The following ADAMTSL1 variants were observed in gnomAD, a reference collection of about 807,000 sequenced individuals.
ADAMTSL1 encodes the protein ADAMTS like 1, also known as ADAMTS-like protein 1.
ADAMTSL1 carries 126 observed loss-of-function variants against 201.8 expected under a neutral mutation model. That is an observed-to-expected ratio of 0.62 (90% CI 0.54 to 0.72). The LOEUF (loss-of-function observed/expected upper bound fraction) is 0.72, where lower values mean the gene tolerates loss of function less well. Ranked by LOEUF, ADAMTSL1 falls within the 30% of genes least tolerant of loss-of-function variation. The pLI, the probability that ADAMTSL1 is intolerant of heterozygous loss-of-function variation, is 0.00. For missense variants in ADAMTSL1, 2,679 were observed against 2,277.8 expected (o/e 1.18, Z -3.59); for synonymous variants, 1,121 against 903.4 (o/e 1.24, Z -4.32).
chr9:18,501,411 T>C (rs1822835566), intron 1 of ADAMTSL1, among the ~76,000 whole-genome samples: 1 of 148,416 alleles, frequency 6.7e-6, no homozygotes, highest in African/African-American at 2.5e-5. Flanking sequence ...CTCAAGAGGC[T>C]GAGGCAGGAG....
At chr9:17,927,653 C>T (rs934579887) in intron 1 of ADAMTSL1, among the ~76,000 whole-genome samples, 1 of 152,018 alleles carries the variant, frequency 6.6e-6, no homozygotes, top group Non-Finnish European at 1.5e-5. Flanking sequence ...CTAAACAATA[C>T]TGTATAACAA....
intron 2 of ADAMTSL1, among the ~76,000 whole-genome samples, chr9:18,178,011 C>A (rs191985282): frequency 2.0e-4 from 31 of 152,182 alleles, no homozygotes; most frequent in African/African-American, 7.0e-4. Flanking sequence ...AGATAGTGGT[C>A]GGGAAGAGGA....
At chr9:18,635,187 T>G (rs1337236286) in intron 5 of ADAMTSL1, among the ~76,000 whole-genome samples, 1 of 151,962 alleles carries the variant, frequency 6.6e-6, no homozygotes, top group Admixed American at 6.6e-5. Context: ...GATACTGTCA[T>G]TACAAATGGA....
intron 2 of ADAMTSL1, among the ~76,000 whole-genome samples, chr9:18,264,846 T>G (rs1832057424): frequency 6.6e-6 from 1 of 152,206 alleles, no homozygotes; most frequent in African/African-American, 2.4e-5. Flanking sequence ...TGCATAGACT[T>G]AAGTTCTGGC....
At chr9:18,213,984 G>T (rs145479716) in intron 2 of ADAMTSL1, among the ~76,000 whole-genome samples, 2,187 of 152,180 alleles carry the variant, frequency 0.014, 58 homozygotes, top group African/African-American at 0.049. Flanking sequence ...CAATCTACCC[G>T]CCTGGGCCTC....
chr9:17,929,565 G>C (rs567868255), intron 1 of ADAMTSL1, among the ~76,000 whole-genome samples: 1 of 151,926 alleles, frequency 6.6e-6, no homozygotes, highest in African/African-American at 2.4e-5. Context: ...CCCTCACTCA[G>C]CTCCCTTCTA....
At chr9:17,940,222 A>C (rs1827183202) in intron 1 of ADAMTSL1, among the ~76,000 whole-genome samples, 1 of 152,076 alleles carries the variant, frequency 6.6e-6, no homozygotes, top group Admixed American at 6.6e-5. Context: ...AAATGATATA[A>C]TTTGTTTTTG....
chr9:18,372,366 A>G (rs148293490), intron 2 of ADAMTSL1, among the ~76,000 whole-genome samples: 45 of 152,284 alleles, frequency 3.0e-4, no homozygotes, highest in African/African-American at 1.1e-3. Flanking sequence ...CTTTTGGAAT[A>G]ATGGGAACAG....
In ADAMTSL1 at chr9:18,037,549, C is replaced by G. The variant is rs536674894; in HGVS notation, c.88-126313C>G. 5.3e-5 allele frequency among the ~76,000 whole-genome samples: 8 copies of G among 152,138 alleles called. No homozygotes were observed. In the South Asian group the frequency reaches 1.7e-3, roughly 32 times the overall value. ...ATATTAAATAAGTGTTAATGATTGT[C>G]AAAGTATTTCAAAACTATGAAATGT... On this transcript the variant is annotated intron_variant, in intron 1 of 29. Transcript: ENST00000680146.
At chr9:18,439,699 T>C (rs894969980) in intron 2 of ADAMTSL1, among the ~76,000 whole-genome samples, 2 of 152,186 alleles carry the variant, frequency 1.3e-5, no homozygotes, top group Non-Finnish European at 2.9e-5. Context: ...AGACTTAAAA[T>C]TGTATTTTGT....
At chr9:18,575,146 T>A (rs1689480949) in intron 4 of ADAMTSL1, among the ~76,000 whole-genome samples, 1 of 152,218 alleles carries the variant, frequency 6.6e-6, no homozygotes, top group African/African-American at 2.4e-5. Context: ...GAGAAATATA[T>A]GTTTTAGTAA....
chr9:18,062,061 TA>T (rs1345817313), intron 1 of ADAMTSL1, among the ~76,000 whole-genome samples: 3 of 152,194 alleles, frequency 2.0e-5, no homozygotes, highest in Non-Finnish European at 2.9e-5. Context: ...TTCACTGGTT[TA>T]GGGGTGCATT....
intron 2 of ADAMTSL1, among the ~76,000 whole-genome samples, chr9:18,268,110 G>A (rs1181297763): frequency 6.6e-6 from 1 of 152,078 alleles, no homozygotes; most frequent in Non-Finnish European, 1.5e-5. Flanking sequence ...TTGTCTTTTA[G>A]CATAAAGCTT....
chr9:18,224,976 A>C (rs1314290473), intron 2 of ADAMTSL1, among the ~76,000 whole-genome samples: 1 of 152,110 alleles, frequency 6.6e-6, no homozygotes, highest in Non-Finnish European at 1.5e-5. Context: ...TTCATGCATA[A>C]AACTTTTTCT....
chr9:18,234,321 T>G (rs1256480658), intron 2 of ADAMTSL1, among the ~76,000 whole-genome samples: 1 of 152,128 alleles, frequency 6.6e-6, no homozygotes, highest in African/African-American at 2.4e-5. Flanking sequence ...GCTTTTGAAA[T>G]ATCTGGGAGA....
chr9:17,986,764 G>A (rs1351827952), intron 1 of ADAMTSL1, among the ~76,000 whole-genome samples: 1 of 152,078 alleles, frequency 6.6e-6, no homozygotes. Context: ...TGTGTATGCA[G>A]TACTAGTATT....
intron 2 of ADAMTSL1, among the ~76,000 whole-genome samples, chr9:18,246,283 T>G (rs1295356639): frequency 6.6e-6 from 1 of 152,180 alleles, no homozygotes; most frequent in Non-Finnish European, 1.5e-5. Flanking sequence ...TGATTTAATC[T>G]TTCATTCTCT....
intron 2 of ADAMTSL1, among the ~76,000 whole-genome samples, chr9:18,188,397 C>T (rs1828829405): frequency 2.0e-5 from 3 of 152,076 alleles, no homozygotes; most frequent in African/African-American, 7.2e-5. Flanking sequence ...ATCCCTTGTG[C>T]TTCCTCAGTG....
At chr9:18,525,813 T>G (rs1819002276) in intron 2 of ADAMTSL1, among the ~76,000 whole-genome samples, 1 of 152,208 alleles carries the variant, frequency 6.6e-6, no homozygotes. Flanking sequence ...GAGAGACAGT[T>G]TGTTATAATT....
Sources: allele counts gnomAD v4.1 joint callset (sites outside exome capture counted in the v4.1 genomes callset), GRCh38; gene constraint gnomAD v4.1.1; transcripts MANE v1.5; gene names NCBI Gene and HGNC (gene_info 2026-07-23, HGNC 2026-07-21).